Variants in PEX5L observed in about 807,000 individuals in gnomAD.
The protein encoded by PEX5L is PEX5-related protein.
In PEX5L, 30 loss-of-function variants were observed where a neutral mutation model predicts 84.0. That is an observed-to-expected ratio of 0.36 (90% confidence interval 0.27 to 0.48). The LOEUF (loss-of-function observed/expected upper bound fraction) is 0.48, where lower values mean the gene tolerates loss of function less well. Among genes scored for constraint, PEX5L ranks in the 20% least tolerant of loss-of-function variants. The pLI is 0.99. For missense variants in PEX5L, 533 were observed against 754.6 expected (o/e 0.71, Z 3.44); for synonymous variants, 270 against 283.1 (o/e 0.95, Z 0.46).
chr3:179,833,492 A>G (rs1733877489), intron 8 of PEX5L, among the ~76,000 whole-genome samples: 8 of 152,200 alleles, frequency 5.3e-5, no homozygotes, highest in African/African-American at 2.4e-5. Flanking sequence ...GGATCAATCA[A>G]TATTGTAGCT....
intron 7 of PEX5L, among the ~76,000 whole-genome samples, chr3:179,869,150 T>C (rs1270497221): frequency 6.6e-6 from 1 of 152,206 alleles, no homozygotes; most frequent in East Asian, 1.9e-4. Context: ...GAGAGCTGGC[T>C]GCTGCACATC....
intron 2 of PEX5L, among the ~76,000 whole-genome samples, chr3:179,913,621 A>G (rs1352084401): frequency 6.6e-6 from 1 of 152,132 alleles, no homozygotes; most frequent in Non-Finnish European, 1.5e-5. Flanking sequence ...TTTCCTCATT[A>G]AAAGTTGCTT....
At chr3:179,834,652 T>G (rs1734313837) in intron 8 of PEX5L, among the ~76,000 whole-genome samples, 1 of 152,062 alleles carries the variant, frequency 6.6e-6, no homozygotes, top group African/African-American at 2.4e-5. Flanking sequence ...AACTCTAAAT[T>G]GTGAATATGT....
At chr3:180,010,175 G>T (rs1215940506) in intron 1 of PEX5L, among the ~76,000 whole-genome samples, 1 of 151,486 alleles carries the variant, frequency 6.6e-6, no homozygotes, top group Non-Finnish European at 1.5e-5. Flanking sequence ...TCAATCTCCT[G>T]ACCGTGTGAT....
At chr3:179,954,701 C>T (rs1780052693) in intron 2 of PEX5L, among the ~76,000 whole-genome samples, 2 of 152,122 alleles carry the variant, frequency 1.3e-5, no homozygotes, top group South Asian at 4.1e-4. Flanking sequence ...TGGAGGCAGA[C>T]AGACCTGATT....
At chr3:180,026,851 T>A (rs1791000952) in intron 1 of PEX5L, among the ~76,000 whole-genome samples, 1 of 152,120 alleles carries the variant, frequency 6.6e-6, no homozygotes, top group South Asian at 2.1e-4. Context: ...CGGTGGACAT[T>A]CACTTAAAAA....
In PEX5L at chr3:179,898,140, A is replaced by G. The variant is rs1474119679; in HGVS notation, c.198+2T>C. The G allele has an allele frequency of 6.3e-7, 1 of 1,589,938 alleles. No individual in the cohort carries two copies. The highest frequency in any genetic ancestry group is 8.6e-7 in the Non-Finnish European group (1 of 1,158,110). On this transcript the variant is annotated splice_donor_variant, in intron 3 of 14. Transcript: ENST00000467460. LOFTEE classifies it high-confidence loss of function. ...CTACAGAAACCCTATGGGTCTGCCC[A>G]CCTGTGATGTCATAGTAAGGAGGGG...
At chr3:179,914,950 T>TA (rs138845560) in intron 2 of PEX5L, among the ~76,000 whole-genome samples, 2,655 of 151,422 alleles carry the variant, frequency 0.018, 73 homozygotes, top group African/African-American at 0.061. Flanking sequence ...GAAGATTGGC[T>TA]AAAAAAAAAT....
At chr3:179,986,686 G>A (rs1786882328) in intron 1 of PEX5L, among the ~76,000 whole-genome samples, 2 of 152,152 alleles carry the variant, frequency 1.3e-5, no homozygotes, top group Non-Finnish European at 2.9e-5. Flanking sequence ...ACAGGCGTGA[G>A]CCACCGCGCC....
chr3:180,000,773 T>A (rs1788326965), intron 1 of PEX5L, among the ~76,000 whole-genome samples: 1 of 152,224 alleles, frequency 6.6e-6, no homozygotes, highest in Non-Finnish European at 1.5e-5. Flanking sequence ...TAACTTTATG[T>A]AGTAATATTT....
At chr3:179,870,229 C>G (rs1479247483) in intron 7 of PEX5L, among the ~76,000 whole-genome samples, 1 of 152,186 alleles carries the variant, frequency 6.6e-6, no homozygotes, top group African/African-American at 2.4e-5. Flanking sequence ...CTCTGACATT[C>G]AAATCATAAG....
chr3:179,921,035 G>C (rs936135743), intron 2 of PEX5L, among the ~76,000 whole-genome samples: 3 of 151,900 alleles, frequency 2.0e-5, no homozygotes, highest in African/African-American at 7.3e-5. Context: ...ACAGTTTTTT[G>C]GTTTTCTTAA....
intron 1 of PEX5L, among the ~76,000 whole-genome samples, chr3:180,004,277 G>T: frequency 6.6e-6 from 1 of 152,180 alleles, no homozygotes; most frequent in East Asian, 1.9e-4. Flanking sequence ...AGACACATCA[G>T]ATTATATTTT....
In PEX5L at chr3:179,798,516, A is replaced by G. The variant is rs890235707; in HGVS notation, c.*3312T>C. 1.3e-5 allele frequency: 2 copies of G among 152,206 alleles called. No homozygotes were observed. The highest frequency in any genetic ancestry group is 1.3e-4 in the Admixed American group (2 of 15,286). 9.4% of individuals were successfully genotyped at this position (152,206 alleles called of 1,614,324 possible). On this transcript the variant is annotated 3_prime_UTR_variant, in exon 15 of 15. Coordinates refer to ENST00000467460, the MANE Select transcript of PEX5L (RefSeq NM_016559.3). ...AATGGTTATATTTTGAAACTCAGCA[A>G]TAATCACTGGCTTTCTCTTTATTTT... is the stretch of plus-strand genomic sequence containing the variant.
At chr3:179,975,498 T>G (rs1478113142) in intron 1 of PEX5L, among the ~76,000 whole-genome samples, 1 of 152,230 alleles carries the variant, frequency 6.6e-6, no homozygotes, top group Non-Finnish European at 1.5e-5. Flanking sequence ...AAATTAGCCC[T>G]AACTGCAATT....
rs547501886 is a variant in PEX5L, at chr3:179,971,578, G to A, written c.93+16C>T. The A allele has an allele frequency of 1.9e-5, 31 of 1,602,532 alleles. No homozygotes were observed. Among genetic ancestry groups the A allele is most frequent in the African/African-American group, 5.4e-5 (4 of 74,596 alleles). On this transcript the variant is annotated intron_variant, in intron 2 of 14. Coordinates refer to ENST00000467460, the MANE Select transcript of PEX5L (RefSeq NM_016559.3). ...TACAGTAGAACAGTAGAAAATGTAC[G>A]TAAGTATTCACTTACCTGCTTTTGA... is the stretch of plus-strand genomic sequence containing the variant.
intron 1 of PEX5L, among the ~76,000 whole-genome samples, chr3:179,998,315 G>C (rs967839902): frequency 6.6e-6 from 1 of 152,166 alleles, no homozygotes; most frequent in Non-Finnish European, 1.5e-5. Flanking sequence ...TAAGTAACCC[G>C]AAAGTCTGCC....
chr3:180,028,801 G>C (rs746658678), intron 1 of PEX5L, among the ~76,000 whole-genome samples: 10 of 152,214 alleles, frequency 6.6e-5, no homozygotes, highest in Non-Finnish European at 1.3e-4. Context: ...CATCGTTGGA[G>C]ACATAAGGAA....
chr3:179,898,422 T>C (rs900094176), intron 2 of PEX5L, 176 bp from the exon 3 acceptor site: 4 of 452,762 alleles, frequency 8.8e-6, no homozygotes, highest in South Asian at 6.1e-5. Flanking sequence ...AAAAAGATTA[T>C]TTGTGAACTT....
Sources: allele counts gnomAD v4.1 joint callset (sites outside exome capture counted in the v4.1 genomes callset), GRCh38; gene constraint gnomAD v4.1.1; transcripts MANE v1.5; gene names NCBI Gene and HGNC (gene_info 2026-07-23, HGNC 2026-07-21).